Variants in DNAH3 observed in about 807,000 individuals in gnomAD.
DNAH3 encodes axonemal beta dynein heavy chain 3.
A neutral mutation model predicts 432.5 loss-of-function variants in DNAH3; 332 were observed. The observed-to-expected ratio is 0.77, with a 90% confidence interval of 0.70 to 0.84. The LOEUF is 0.84. DNAH3 is among the 40% of genes least tolerant of loss of function. DNAH3 has a pLI of 0.00. For synonymous variants in DNAH3, 1,956 were observed against 1,900.2 expected, an observed-to-expected ratio of 1.03 and a Z score of -0.76; for missense variants, 4,861 against 5,114.0, an observed-to-expected ratio of 0.95 and a Z score of 1.51.
chr16:21,069,614 T>C lies in DNAH3; in HGVS notation c.3202-20A>G, dbSNP rs1343474183. On this transcript the variant is annotated intron_variant, in intron 22 of 61. Transcript: ENST00000261383. ...CCATTTCTGTGAATTTAGCATTTCA[T>C]ATCTGGATCATTAACCTGCCACTCT... 1 of 1,601,356 alleles carries C rather than the reference T, an allele frequency of 6.2e-7. No homozygotes were observed. Among genetic ancestry groups the C allele is most frequent in the Non-Finnish European group, 8.5e-7 (1 of 1,172,938 alleles).
chr16:20,940,548 C>G (rs1056013597), intron 59 of DNAH3, among the ~76,000 whole-genome samples: 1 of 151,524 alleles, frequency 6.6e-6, no homozygotes, highest in Admixed American at 6.6e-5. Flanking sequence ...CCACTTCACC[C>G]TCCCAAGTAG....
exon 53 of DNAH3, chr16:20,963,868 C>A (rs2084931963): frequency 6.2e-7 from 1 of 1,613,996 alleles, no homozygotes; most frequent in Admixed American, 1.7e-5. Context: ...CAGTTCCTCG[C>A]TCTTCGTGCT....
At chr16:20,994,409 C>T (rs1013237668) in intron 44 of DNAH3, among the ~76,000 whole-genome samples, 4 of 151,870 alleles carry the variant, frequency 2.6e-5, no homozygotes, top group Non-Finnish European at 5.9e-5. Context: ...CCAGCCTGGG[C>T]GACAAGAGCG....
intron 44 of DNAH3, among the ~76,000 whole-genome samples, chr16:20,989,104 G>C (rs551057478): frequency 5.3e-5 from 8 of 152,316 alleles, no homozygotes; most frequent in Non-Finnish European, 8.8e-5. Flanking sequence ...AAAGAGACCC[G>C]AGCGGGTTAC....
intron 55 of DNAH3, among the ~76,000 whole-genome samples, chr16:20,952,858 G>C (rs1167475643): frequency 6.6e-6 from 1 of 152,144 alleles, no homozygotes; most frequent in Non-Finnish European, 1.5e-5. Context: ...GTAATGCACG[G>C]AGCTCCAAAA....
chr16:21,140,546 G>A lies in DNAH3; in HGVS notation c.686C>T (p.Ser229Leu), dbSNP rs147803797. ...GCAACAGGAACGTACCTCCAGGTCC[G>A]ATTCAGATGGCTTCTTTTCTTTACT... Residue 229 changes from serine to leucine, a missense_variant, in exon 5 of 62, where the codon TCG (serine) becomes TTG (leucine). Transcript: ENST00000261383. 37 of 1,613,744 alleles carry A rather than the reference G, an allele frequency of 2.3e-5. No individual in the cohort carries two copies. Among genetic ancestry groups the A allele is most frequent in the East Asian group, 4.5e-5 (2 of 44,880 alleles).
At chr16:20,981,755 A>C (rs2085909312) in intron 49 of DNAH3, among the ~76,000 whole-genome samples, 1 of 151,802 alleles carries the variant, frequency 6.6e-6, no homozygotes, top group Non-Finnish European at 1.5e-5. Flanking sequence ...TAAATAAATA[A>C]AATAAACAAT....
intron 46 of DNAH3, 42 bp downstream of exon 46, chr16:20,987,651 G>C (rs2086263710): frequency 1.2e-6 from 2 of 1,606,276 alleles, no homozygotes; most frequent in South Asian, 2.2e-5. Context: ...TGTAGCCAAG[G>C]ATATGCTGAA....
intron 16 of DNAH3, among the ~76,000 whole-genome samples, chr16:21,103,379 G>T (rs4783521): frequency 0.23 from 33,125 of 145,538 alleles, 3,971 homozygotes; most frequent in East Asian, 0.29. Flanking sequence ...TGGGGGAGTT[G>T]GGAGGTATAT....
At chr16:20,969,320 G>A (rs1036765757) in intron 52 of DNAH3, among the ~76,000 whole-genome samples, 9 of 152,230 alleles carry the variant, frequency 5.9e-5, no homozygotes, top group African/African-American at 1.9e-4. Context: ...ATGCATGCAT[G>A]CGTGTATAGG....
At chr16:21,126,741 T>C (rs1035808553) in intron 8 of DNAH3, among the ~76,000 whole-genome samples, 4 of 152,102 alleles carry the variant, frequency 2.6e-5, no homozygotes, top group Non-Finnish European at 4.4e-5. Flanking sequence ...CCGCTCCCCA[T>C]GGCTTTTTTT....
chr16:21,125,030 TAAC>T (rs1423182827), intron 9 of DNAH3, 142 bp downstream of exon 10: 1 of 573,630 alleles, frequency 1.7e-6, no homozygotes, highest in Non-Finnish European at 2.9e-6. Flanking sequence ...TTTTATAAAC[TAAC>T]AACTGCCTGA....
At chr16:21,127,837 C>T in intron 7 of DNAH3, 25 bp from the exon 9 acceptor site, 2 of 1,613,466 alleles carry the variant, frequency 1.2e-6, no homozygotes, top group African/African-American at 1.3e-5. Context: ...GGAGAAATTT[C>T]CTAAGCTAAA....
chr16:21,155,259 A>G (rs561899266), intron 1 of DNAH3, among the ~76,000 whole-genome samples: 24 of 151,980 alleles, frequency 1.6e-4, no homozygotes, highest in South Asian at 1.5e-3. Context: ...TTGTTTCTCA[A>G]TTGGGCTGCC....
At chr16:20,937,874 G>T (rs2083654548) in intron 59 of DNAH3, among the ~76,000 whole-genome samples, 1 of 152,044 alleles carries the variant, frequency 6.6e-6, no homozygotes, top group African/African-American at 2.4e-5. Flanking sequence ...AAAGGCAACT[G>T]AAGGGCAGCC....
chr16:20,979,551 C>A lies in DNAH3; in HGVS notation c.7860-5G>T. The A allele has an allele frequency of 6.2e-7, 1 of 1,613,918 alleles. No homozygotes were observed. The highest frequency in any genetic ancestry group is 8.5e-7 in the Non-Finnish European group (1 of 1,179,960). On this transcript the variant is annotated splice_region_variant and splice_polypyrimidine_tract_variant and intron_variant, in intron 49 of 61. Transcript: ENST00000261383. ...TATTTGCACATGGACACGACCCTGCCGAGGACACCAAGGCGGTTAGGCAGG... is the reference window on the plus strand; with the variant it reads ...TATTTGCACATGGACACGACCCTGCAGAGGACACCAAGGCGGTTAGGCAGG...
chr16:21,142,361 C>G (rs954694670), intron 3 of DNAH3, among the ~76,000 whole-genome samples: 7 of 152,010 alleles, frequency 4.6e-5, no homozygotes, highest in African/African-American at 9.7e-5. Context: ...GAGCGAAACT[C>G]CGTCTCAAAA....
rs1293067833 is a variant in DNAH3, at chr16:21,134,470, G to A, written c.887-16C>T. ...ATGTAATCAACTACAACCGGAAAGGGCGAACACCTCATTATTAAGCTCTAA... is the reference window on the plus strand; with the variant it reads ...ATGTAATCAACTACAACCGGAAAGGACGAACACCTCATTATTAAGCTCTAA... On this transcript the variant is annotated splice_polypyrimidine_tract_variant and intron_variant, in intron 6 of 61. Coordinates refer to ENST00000261383, the Ensembl canonical transcript of DNAH3. The A allele has an allele frequency of 1.2e-6, 2 of 1,609,830 alleles. No individual in the cohort carries two copies. The highest frequency in any genetic ancestry group is 1.1e-5 in the South Asian group (1 of 90,828).
chr16:21,003,136 T>A lies in DNAH3; in HGVS notation c.6094A>T (p.Lys2032Ter). Residue 2032 changes from lysine to a stop codon, truncating the protein, a stop_gained, in exon 42 of 62, where the codon AAA (lysine) becomes TAA (stop). Coordinates refer to ENST00000261383, the Ensembl canonical transcript of DNAH3. LOFTEE classifies it high-confidence loss of function. ...CCAGCTGGAACTTTTTCCTCCTCTTTGGTGATATACTGTGTCCACGTTTCC... is the reference window on the plus strand; with the variant it reads ...CCAGCTGGAACTTTTTCCTCCTCTTAGGTGATATACTGTGTCCACGTTTCC... The A allele has an allele frequency of 6.2e-7, 1 of 1,612,862 alleles. No homozygotes were observed. The highest frequency in any genetic ancestry group is 8.5e-7 in the Non-Finnish European group (1 of 1,179,518).
Sources: allele counts gnomAD v4.1 joint callset (sites outside exome capture counted in the v4.1 genomes callset), GRCh38; gene constraint gnomAD v4.1.1; transcripts MANE v1.5; gene names NCBI Gene and HGNC (gene_info 2026-07-23, HGNC 2026-07-21).